STRADA: variants seen among roughly 807,000 people sequenced by gnomAD.
STRADA encodes the protein STE20-related kinase adapter protein alpha.
A neutral mutation model predicts 55.0 loss-of-function variants in STRADA; 26 were observed. The observed-to-expected ratio is 0.47, with a 90% CI of 0.35 to 0.66. STRADA has a LOEUF of 0.66. Ranked by LOEUF, STRADA falls within the 30% of genes least tolerant of loss-of-function variation. The pLI, the probability that STRADA is intolerant of heterozygous loss-of-function variation, is 0.01. For missense variants in STRADA, 443 were observed against 549.7 expected, an observed-to-expected ratio of 0.81 and a Z score of 1.94; for synonymous variants, 197 against 210.9, an observed-to-expected ratio of 0.93 and a Z score of 0.57.
In STRADA at chr17:63,710,775, A is replaced by G. The variant is rs1329963868; in HGVS notation, c.410T>C (p.Phe137Ser). The G allele has an allele frequency of 2.5e-6, 4 of 1,614,242 alleles. No individual in the cohort carries two copies. Among genetic ancestry groups the G allele is most frequent in the Non-Finnish European group, 2.5e-6 (3 of 1,180,038 alleles). Residue 137 changes from phenylalanine (F) to serine (S), a missense_variant, in exon 7 of 13, where the codon TTT (phenylalanine) becomes TCT (serine). Transcript: ENST00000336174. ...HPNIVPYRAT[F>S]IADNELWVVT... ...AACCCACAGCTCATTGTCTGCAATA[A>G]AAGTGGCTCGATATGGCACGATATT...
chr17:63,704,002 T>C lies in STRADA; in HGVS notation c.1143+3A>G. 1 of 1,613,896 alleles carries C rather than the reference T, an allele frequency of 6.2e-7. No homozygotes were observed. The highest frequency in any genetic ancestry group is 8.5e-7 in the Non-Finnish European group (1 of 1,179,928). On this transcript the variant is annotated splice_donor_region_variant and intron_variant, in intron 12 of 12. Transcript: ENST00000336174. ...CAGAACCAGAACGAAGGGGCTACGA[T>C]ACCTGCTTGAAGAAAGAGTGGTTCA...
At chr17:63,731,004 G>A (rs7222702) in intron 1 of STRADA, among the ~76,000 whole-genome samples, 3,677 of 151,428 alleles carry the variant, frequency 0.024, 79 homozygotes, top group African/African-American at 0.054. Flanking sequence ...GGAGTGCAGC[G>A]GTGATCTTGG....
chr17:63,707,643 T>A (rs1281203871), intron 8 of STRADA: 2 of 487,984 alleles, frequency 4.1e-6, no homozygotes, highest in Non-Finnish European at 7.3e-6. Context: ...CACTGCAACC[T>A]CTGCCTCCTG....
chr17:63,715,614 T>C (rs532127484), intron 4 of STRADA: 5 of 152,146 alleles, frequency 3.3e-5, no homozygotes, highest in Non-Finnish European at 5.9e-5. Context: ...GCTGAGATTA[T>C]TGGCTGTATG....
At position 63,705,347 on chromosome 17, in the gene STRADA, G is replaced by A. The variant is rs577681569; in HGVS notation, c.859-765C>T. 3.7e-5 allele frequency: 7 copies of A among 188,096 alleles called. No individual in the cohort carries two copies. The East Asian group carries it at 9.2e-4, about 25-fold the overall frequency. 11.7% of individuals were successfully genotyped at this position (188,096 alleles called of 1,614,324 possible). On this transcript the variant is annotated intron_variant, in intron 10 of 12. Transcript: ENST00000336174. Reference sequence around the variant, plus strand: ...TCCCACGCTAGACAGTGCAGCCACAGAAGCCCTCCTTCGCTGCAGCAAATT... The same window carrying A: ...TCCCACGCTAGACAGTGCAGCCACAAAAGCCCTCCTTCGCTGCAGCAAATT...
Position 63,703,352 on chromosome 17 carries a change from C to T in STRADA, c.*247G>A, listed in dbSNP as rs1314916387. 4 of 444,516 alleles carry T rather than the reference C, an allele frequency of 9.0e-6. No individual in the cohort carries two copies. The highest frequency in any genetic ancestry group is 1.6e-5 in the Non-Finnish European group (4 of 248,196). 27.5% of individuals were successfully genotyped at this position (444,516 alleles called of 1,614,324 possible). On this transcript the variant is annotated 3_prime_UTR_variant, in exon 13 of 13. Coordinates refer to ENST00000336174, the MANE Select transcript of STRADA (RefSeq NM_001003787.4). ...GAGGAGGTCACCTGAGCTCACAGGACTGGGAATGTCGGCTTTGGACCCTCC... is the reference window on the plus strand; with the variant it reads ...GAGGAGGTCACCTGAGCTCACAGGATTGGGAATGTCGGCTTTGGACCCTCC...
intron 1 of STRADA, 56 bp from the exon 2 acceptor site, chr17:63,728,469 T>C (rs1360074264): frequency 1.0e-6 from 1 of 983,912 alleles, no homozygotes; most frequent in Non-Finnish European, 1.5e-6. Context: ...TAGAGAAATA[T>C]CTTCTGATTA....
intron 1 of STRADA, among the ~76,000 whole-genome samples, chr17:63,739,374 T>C (rs977499217): frequency 6.6e-6 from 1 of 152,040 alleles, no homozygotes; most frequent in Non-Finnish European, 1.5e-5. Flanking sequence ...TATTTTCAGA[T>C]TGAATCATGT....
At chr17:63,713,548 C>T (rs747820774) in intron 5 of STRADA, 21 bp from the exon 6 acceptor site, 4 of 1,610,350 alleles carry the variant, frequency 2.5e-6, no homozygotes, top group Non-Finnish European at 3.4e-6. Flanking sequence ...AAGGGAATGC[C>T]ATACGCAAGG....
At chr17:63,728,486 A>G in intron 1 of STRADA, 73 bp from the exon 2 acceptor site, 1 of 795,180 alleles carries the variant, frequency 1.3e-6, no homozygotes, top group Non-Finnish European at 2.0e-6. Flanking sequence ...ATTAACAAAA[A>G]CTTATTACAG....
intron 1 of STRADA, among the ~76,000 whole-genome samples, chr17:63,735,469 T>G (rs552672013): frequency 6.6e-6 from 1 of 152,212 alleles, no homozygotes; most frequent in Admixed American, 6.5e-5. Flanking sequence ...CTCCCTCTGA[T>G]AGTGATGCTT....
Position 63,710,919 on chromosome 17 carries a change from A to AGG in STRADA, c.349-85_349-84dup. ...ACACAAAGATGGCAGCATGGACAAT[A>AGG]GGGGGACCTGGCACTTTCTGGGTGT... is the stretch of plus-strand genomic sequence containing the variant. On this transcript the variant is annotated intron_variant, in intron 6 of 12. Coordinates refer to ENST00000336174, the MANE Select transcript of STRADA (RefSeq NM_001003787.4). 4 of 1,271,600 alleles carry AGG rather than the reference A, an allele frequency of 3.1e-6. No individual in the cohort carries two copies. The Middle Eastern group carries it at 7.4e-4, about 236-fold the overall frequency. The allele number at this position is 1,271,600 out of a possible 1,614,324, so 78.8% of individuals were successfully genotyped here. A position where few individuals can be genotyped will look rare whatever the true frequency, so the allele number is the denominator to read the frequency against.
At chr17:63,706,575 T>C in intron 10 of STRADA, 60 bp downstream of exon 10, 2 of 1,223,782 alleles carry the variant, frequency 1.6e-6, no homozygotes, top group South Asian at 2.5e-5. Flanking sequence ...TGAGAGCTAC[T>C]CAACGAACAT....
In STRADA at chr17:63,703,499, C is replaced by T; in HGVS notation, c.*100G>A. 1 of 1,159,902 alleles carries T rather than the reference C, an allele frequency of 8.6e-7. No individual in the cohort carries two copies. The highest frequency in any genetic ancestry group is 1.6e-5 in the South Asian group (1 of 62,834). The allele number at this position is 1,159,902 out of a possible 1,614,324, so 71.9% of individuals were successfully genotyped here. The stretch of plus-strand genomic sequence containing the variant: ...TTTCCTGGAAGAATGTCCTTTCTAC[C>T]CAATCTGCCCAGGAGGGCGGGAATG... On this transcript the variant is annotated 3_prime_UTR_variant, in exon 13 of 13. Transcript: ENST00000336174.
intron 8 of STRADA, among the ~76,000 whole-genome samples, chr17:63,708,515 C>T (rs908972113): frequency 1.3e-5 from 2 of 152,052 alleles, no homozygotes; most frequent in Non-Finnish European, 2.9e-5. Flanking sequence ...TTCAAATCTA[C>T]ATAAAATAGC....
intron 2 of STRADA, 72 bp from the exon 3 acceptor site, chr17:63,726,767 C>G: frequency 6.7e-7 from 1 of 1,484,612 alleles, no homozygotes; most frequent in East Asian, 2.3e-5. Context: ...AGCCTTTAGA[C>G]AGACAAACAA....
At chr17:63,728,064 A>C (rs901193809) in intron 2 of STRADA, 1 of 392,978 alleles carries the variant, frequency 2.5e-6, no homozygotes, top group African/African-American at 2.1e-5. Context: ...GACTCATTTA[A>C]TGTTGTATGA....
chr17:63,732,448 T>C lies in STRADA; in HGVS notation c.-44-4035A>G, dbSNP rs577212343. On this transcript the variant is annotated intron_variant, in intron 1 of 12. Transcript: ENST00000336174. ...AATCCTCCTACCTCAGCCTTCTGAATAGCTGGGACCACAGGTGTGAGAAGC... is the reference window on the plus strand; with the variant it reads ...AATCCTCCTACCTCAGCCTTCTGAACAGCTGGGACCACAGGTGTGAGAAGC... Among the ~76,000 whole-genome samples, 13 of 150,326 alleles carry C rather than the reference T, an allele frequency of 8.6e-5. No individual in the cohort carries two copies. The South Asian group carries it at 2.7e-3, about 32-fold the overall frequency.
At chr17:63,713,277 G>C (rs909799942) in intron 6 of STRADA, 129 bp downstream of exon 6, 3 of 1,286,558 alleles carry the variant, frequency 2.3e-6, no homozygotes, top group Admixed American at 4.8e-5. Flanking sequence ...AAATGGCCAG[G>C]ATTCTCCACT....
Sources: gnomAD v4.1 joint callset for allele counts (sites outside exome capture counted in the v4.1 genomes callset) on GRCh38, gnomAD v4.1.1 for gene constraint, MANE v1.5 for transcripts, NCBI Gene and HGNC (gene_info 2026-07-23, HGNC 2026-07-21) for gene names.